Variants in DNAH1 observed in about 807,000 individuals in gnomAD.
The protein encoded by DNAH1 is axonemal beta dynein heavy chain 1.
DNAH1 carries 327 observed loss-of-function variants against 484.3 expected under a neutral mutation model. That is an observed-to-expected ratio of 0.68 (90% CI 0.62 to 0.74). The LOEUF is 0.74. DNAH1 is among the 30% of genes least tolerant of loss of function. The pLI is 0.00. For synonymous variants in DNAH1, 2,192 were observed against 2,191.9 expected (o/e 1.00, Z 0.00); for missense variants, 5,052 against 5,546.8 (o/e 0.91, Z 2.83).
intron 34 of DNAH1, among the ~76,000 whole-genome samples, chr3:52,365,422 C>A (rs1703032545): frequency 6.6e-6 from 1 of 152,266 alleles, no homozygotes; most frequent in South Asian, 2.1e-4. Context: ...CTCCACCCCA[C>A]TAGCGGGACT....
In DNAH1 at chr3:52,362,440, CA is replaced by C. The variant is rs777856799; in HGVS notation, c.5034del (p.Val1679CysfsTer5). 6.2e-7 allele frequency: 1 copy of C among 1,614,028 alleles called. No homozygotes were observed. Among genetic ancestry groups the C allele is most frequent in the South Asian group, 1.1e-5 (1 of 91,080 alleles). Reference sequence around the variant, plus strand: ...GAGATCCCACTGGTGCCATCCTGCGCAGTGTTTATCACCATGAACCCGGGCT... The same window carrying C: ...GAGATCCCACTGGTGCCATCCTGCGCGTGTTTATCACCATGAACCCGGGCT... ...GVEIPLVPSC[A>X]VFITMNPGYA... On this transcript the variant is annotated frameshift_variant, in exon 31 of 78. Coordinates refer to ENST00000420323, the MANE Select transcript of DNAH1 (RefSeq NM_015512.5). LOFTEE classifies it high-confidence loss of function. This position sits in a 1 kb window ranked among gnomAD's most constrained non-coding sequence, Gnocchi z 5.1.
intron 48 of DNAH1, among the ~76,000 whole-genome samples, chr3:52,380,752 C>T (rs1282577517): frequency 6.6e-6 from 1 of 152,174 alleles, no homozygotes; most frequent in African/African-American, 2.4e-5. Context: ...GGGAGGGCCC[C>T]AGTACACGGT....
intron 16 of DNAH1, 42 bp from the exon 17 acceptor site, chr3:52,351,920 A>G: frequency 1.3e-6 from 2 of 1,581,346 alleles, no homozygotes; most frequent in Non-Finnish European, 1.7e-6. Context: ...CCACCACTTC[A>G]GCCGCGATAT....
At chr3:52,388,384 T>C (rs1213943849) in intron 57 of DNAH1, 34 bp from the exon 58 acceptor site, 1 of 1,602,778 alleles carries the variant, frequency 6.2e-7, no homozygotes, top group Non-Finnish European at 8.5e-7. Context: ...CCGGGGGTAC[T>C]TGGCGAGCTA....
intron 2 of DNAH1, among the ~76,000 whole-genome samples, chr3:52,323,103 G>GT (rs561806518): frequency 1.3e-5 from 2 of 152,158 alleles, no homozygotes; most frequent in African/African-American, 2.4e-5. Flanking sequence ...AGTGGCTTTG[G>GT]TAGGGAAGAC....
chr3:52,326,897 C>T lies in DNAH1; in HGVS notation c.738+6C>T. 2 of 1,610,986 alleles carry T rather than the reference C, an allele frequency of 1.2e-6. No individual in the cohort carries two copies. Among genetic ancestry groups the T allele is most frequent in the East Asian group, 2.2e-5 (1 of 44,762 alleles). On this transcript the variant is annotated splice_donor_region_variant and intron_variant, in intron 5 of 77. Coordinates refer to ENST00000420323, the MANE Select transcript of DNAH1 (RefSeq NM_015512.5). ...CCATCTACCTCCCACTGAAGGTGAG[C>T]CGGGCTTCCACAGATGGTTGAGAGA...
intron 34 of DNAH1, among the ~76,000 whole-genome samples, chr3:52,366,001 T>C (rs1397736155): frequency 1.3e-5 from 2 of 152,214 alleles, no homozygotes; most frequent in East Asian, 3.8e-4. Flanking sequence ...AGTGAGGCAT[T>C]TATTCCCTAC....
intron 17 of DNAH1, 84 bp downstream of exon 17, chr3:52,352,187 G>A: frequency 1.3e-6 from 2 of 1,508,462 alleles, no homozygotes; most frequent in Non-Finnish European, 1.8e-6. Flanking sequence ...CTCACTTCTT[G>A]CATTCAGGAG....
At chr3:52,354,711 G>T (rs71297393) in intron 20 of DNAH1, 132 bp from the exon 21 acceptor site, 4 of 754,534 alleles carry the variant, frequency 5.3e-6, no homozygotes, top group Admixed American at 2.6e-5. Context: ...CAGACAAGCC[G>T]AGAGTATTTG....
intron 8 of DNAH1, among the ~76,000 whole-genome samples, chr3:52,342,449 G>A (rs1490078950): frequency 6.6e-6 from 1 of 152,262 alleles, no homozygotes; most frequent in African/African-American, 2.4e-5. Flanking sequence ...CAGAGATCAT[G>A]ATGGTGGCTT....
chr3:52,393,121 C>A, intron 65 of DNAH1, 96 bp downstream of exon 65: 1 of 1,473,568 alleles, frequency 6.8e-7, no homozygotes. Context: ...ACTGTGTTCA[C>A]TGGCGTACAC....
At position 52,393,022 on chromosome 3, in the gene DNAH1, G is replaced by A; in HGVS notation, c.10471G>A (p.Ala3491Thr). 1 of 1,612,898 alleles carries A rather than the reference G, an allele frequency of 6.2e-7. No homozygotes were observed. The highest frequency in any genetic ancestry group is 8.5e-7 in the Non-Finnish European group (1 of 1,179,184). Residue 3491 changes from alanine to threonine, a missense_variant, in exon 65 of 78, where the codon GCA becomes ACA. Around this residue, in one of 4 missense-constraint regions of DNAH1, gnomAD observed 2,929 missense variants for 3,409.4 expected, o/e 0.86. Transcript: ENST00000420323. The stretch of plus-strand genomic sequence containing the variant: ...CTCGGGCATCGCCAACTCAGAGAGA[G>A]CAGGTAGCACCGGCATGCCAGGCTC... ...FLSGIANSER[A>T]DNLKKRISNI...
chr3:52,331,402 C>A, intron 7 of DNAH1, 93 bp downstream of exon 7: 1 of 1,407,716 alleles, frequency 7.1e-7, no homozygotes, highest in Non-Finnish European at 9.6e-7. Flanking sequence ...ACTGCCAGAT[C>A]AGGTCTGAAT....
At chr3:52,345,221 G>A (rs994497465) in intron 9 of DNAH1, among the ~76,000 whole-genome samples, 2 of 152,222 alleles carry the variant, frequency 1.3e-5, no homozygotes, top group African/African-American at 2.4e-5. Flanking sequence ...AGTGGATGAG[G>A]AGAGGGTTCT....
In DNAH1 at chr3:52,394,571, C is replaced by G; in HGVS notation, c.10733C>G (p.Ser3578Trp). The change falls in exon 67 of 78, where the codon TCG becomes TGG. Residue 3578 changes from serine (S) to tryptophan (W), a missense_variant. Around this residue, in one of 4 missense-constraint regions of DNAH1, gnomAD observed 853 missense variants for 899.0 expected, o/e 0.95. Coordinates refer to ENST00000420323, the MANE Select transcript of DNAH1 (RefSeq NM_015512.5). Reference sequence around the variant, plus strand: ...GCTTGGCGAGACATCCTAGCACTCTCGAACCTGCCAACCTTTTCCTCCTTC... The same window carrying G: ...GCTTGGCGAGACATCCTAGCACTCTGGAACCTGCCAACCTTTTCCTCCTTC... ...DRAWRDILAL[S>W]NLPTFSSFSS... is the part of the protein sequence containing the mutation. 1 of 1,612,762 alleles carries G rather than the reference C, an allele frequency of 6.2e-7. No homozygotes were observed. Among genetic ancestry groups the G allele is most frequent in the South Asian group, 1.1e-5 (1 of 90,980 alleles).
At position 52,349,155 on chromosome 3, in the gene DNAH1, C is replaced by T. The variant is rs1313026873; in HGVS notation, c.2301-40C>T. 10 of 1,611,782 alleles carry T rather than the reference C, an allele frequency of 6.2e-6. No individual in the cohort carries two copies. The South Asian group carries it at 1.1e-4, about 18-fold the overall frequency. Reference sequence around the variant, plus strand: ...ATGTGTATCCCCTGCCCACCCTGCTCACCATCCTCTGCCCCCTCCCGTGTG... The same window carrying T: ...ATGTGTATCCCCTGCCCACCCTGCTTACCATCCTCTGCCCCCTCCCGTGTG... On this transcript the variant is annotated intron_variant, in intron 13 of 77. Transcript: ENST00000420323.
intron 45 of DNAH1, 74 bp from the exon 46 acceptor site, chr3:52,375,881 A>G (rs1015992413): frequency 8.4e-6 from 13 of 1,553,834 alleles, no homozygotes; most frequent in Non-Finnish European, 9.7e-6. Flanking sequence ...TTCCCCCACC[A>G]TCTCACCTGG....
chr3:52,357,712 G>C lies in DNAH1; in HGVS notation c.3957G>C (p.Glu1319Asp), dbSNP rs1349018237. The C allele has an allele frequency of 6.3e-7, 1 of 1,583,076 alleles. No individual in the cohort carries two copies. Among genetic ancestry groups the C allele is most frequent in the African/African-American group, 1.3e-5 (1 of 74,252 alleles). Residue 1319 changes from glutamate to aspartate, a missense_variant, in exon 23 of 78, where the codon GAG (glutamate) becomes GAC (aspartate). Glu to Asp is a conservative substitution (Grantham distance 45, BLOSUM62 2). Around this residue, in one of 4 missense-constraint regions of DNAH1, gnomAD observed 2,929 missense variants for 3,409.4 expected, o/e 0.86. Transcript: ENST00000420323. ...LVQKGLSEYL[E>D]TKRSAFPRFY... ...AGAAGGGCCTCAGCGAGTATCTGGA[G>C]ACCAAGAGGAGCGCCTTCCCCAGGT...
chr3:52,360,451 C>T lies in DNAH1; in HGVS notation c.4685+27C>T, dbSNP rs1231338209. ...TAAGCGTTCCCCTCTTGCTCCTTCC[C>T]ACACTGAGACCCTCCCTCTAGTTCT... On this transcript the variant is annotated intron_variant, in intron 28 of 77. Coordinates refer to ENST00000420323, the MANE Select transcript of DNAH1 (RefSeq NM_015512.5). 3.2e-6 allele frequency: 5 copies of T among 1,572,946 alleles called. No individual in the cohort carries two copies. The East Asian group carries it at 6.7e-5, about 21-fold the overall frequency.
Sources: gnomAD v4.1 joint callset for allele counts (sites outside exome capture counted in the v4.1 genomes callset) on GRCh38, gnomAD v4.1.1 for gene constraint, gnomAD v4.1.1 regional missense constraint, Gnocchi (gnomAD v3.1) non-coding constraint, MANE v1.5 for transcripts, NCBI Gene and HGNC (gene_info 2026-07-23, HGNC 2026-07-21) for gene names.